Variants in CNGB3 observed in about 807,000 individuals in gnomAD.
CNGB3 encodes cyclic nucleotide gated channel subunit beta 3.
CNGB3 carries 86 observed loss-of-function variants against 92.8 expected under a neutral mutation model. That is an observed-to-expected ratio of 0.93 (90% confidence interval 0.78 to 1.11). CNGB3 has a LOEUF of 1.11. Ranked by LOEUF, CNGB3 falls within the 50% of genes least tolerant of loss-of-function variation. The pLI is 0.00. For missense variants in CNGB3, 1,026 were observed against 956.8 expected (o/e 1.07, Z -0.95); for synonymous variants, 333 against 332.7 (o/e 1.00, Z -0.01).
chr8:86,682,665 C>T (rs547463137), intron 3 of CNGB3, among the ~76,000 whole-genome samples: 135 of 152,090 alleles, frequency 8.9e-4, no homozygotes, highest in Non-Finnish European at 1.3e-3. Context: ...GGGTTCCATT[C>T]AAAACAATTC....
intron 11 of CNGB3, among the ~76,000 whole-genome samples, chr8:86,629,503 T>C (rs150453058): frequency 6.6e-6 from 1 of 152,328 alleles, no homozygotes; most frequent in Non-Finnish European, 1.5e-5. Context: ...GCAATAAAAG[T>C]TGAGCAATTG....
intron 2 of CNGB3, among the ~76,000 whole-genome samples, chr8:86,731,310 T>C (rs143899473): frequency 6.6e-6 from 1 of 152,314 alleles, no homozygotes; most frequent in African/African-American, 2.4e-5. Context: ...GAGCCTGTGC[T>C]GAGGGAGGAC....
At chr8:86,671,342 G>A (rs541171878) in intron 3 of CNGB3, among the ~76,000 whole-genome samples, 1 of 152,308 alleles carries the variant, frequency 6.6e-6, no homozygotes, top group Admixed American at 6.5e-5. Context: ...GGATCTTGAT[G>A]ACAGTGATTC....
At chr8:86,637,692 ATATTT>A (rs777276767) in intron 10 of CNGB3, among the ~76,000 whole-genome samples, 17 of 152,136 alleles carry the variant, frequency 1.1e-4, no homozygotes, top group Non-Finnish European at 1.8e-4. Flanking sequence ...TTTATTCCAA[ATATTT>A]TATTCTTTTT....
intron 4 of CNGB3, among the ~76,000 whole-genome samples, chr8:86,669,957 T>C (rs1823822582): frequency 6.6e-6 from 1 of 152,090 alleles, no homozygotes; most frequent in African/African-American, 2.4e-5. Flanking sequence ...TTCAAGCGAT[T>C]CCCCTGCCTC....
At chr8:86,658,356 C>G (rs1033399776) in intron 6 of CNGB3, 2 of 454,418 alleles carry the variant, frequency 4.4e-6, no homozygotes, top group Admixed American at 5.7e-5. Context: ...ACTGTCCAGT[C>G]CATCTCCTTC....
chr8:86,606,141 G>A (rs1822407417), intron 14 of CNGB3, among the ~76,000 whole-genome samples: 1 of 131,582 alleles, frequency 7.6e-6, no homozygotes, highest in African/African-American at 2.9e-5. Flanking sequence ...AAAATTTTGG[G>A]GTTGGTTTTT....
intron 4 of CNGB3, among the ~76,000 whole-genome samples, chr8:86,669,430 T>C (rs1019251423): frequency 2.6e-5 from 4 of 152,196 alleles, no homozygotes; most frequent in Non-Finnish European, 5.9e-5. Flanking sequence ...ACAAAGGTGT[T>C]ACAAATAGAG....
intron 6 of CNGB3, chr8:86,660,263 T>C: frequency 3.3e-6 from 1 of 301,354 alleles, no homozygotes; most frequent in Non-Finnish European, 6.6e-6. Flanking sequence ...CCACAGCCAA[T>C]TTGCTCTGTA....
At chr8:86,673,515 G>A (rs1230931909) in intron 3 of CNGB3, among the ~76,000 whole-genome samples, 1 of 152,280 alleles carries the variant, frequency 6.6e-6, no homozygotes, top group Non-Finnish European at 1.5e-5. Context: ...ATGGTCCCAT[G>A]TGATCTATTG....
At position 86,730,671 on chromosome 8, in the gene CNGB3, A is replaced by G. The variant is rs137996694; in HGVS notation, c.212-4014T>C. Among the ~76,000 whole-genome samples the G allele has an allele frequency of 7.2e-5, 11 of 152,352 alleles. No homozygotes were observed. In the East Asian group the frequency reaches 1.9e-3, roughly 27 times the overall value. ...AACAGTTTTAAGAAGTATATGATTA[A>G]TGATTATTTTCTGGCACCTGAGGTT... On this transcript the variant is annotated intron_variant, in intron 2 of 17. Transcript: ENST00000320005.
chr8:86,670,965 G>A lies in CNGB3; in HGVS notation c.472C>T (p.Pro158Ser). 1.2e-6 allele frequency: 2 copies of A among 1,612,524 alleles called. No homozygotes were observed. Among genetic ancestry groups the A allele is most frequent in the South Asian group, 2.2e-5 (2 of 91,002 alleles). Residue 158 changes from proline to serine, a missense_variant, in exon 4 of 18, where the codon CCC (proline) becomes TCC (serine). By Grantham distance (74) the Pro-to-Ser change is moderately conservative (BLOSUM62 -1). Transcript: ENST00000320005. The stretch of plus-strand genomic sequence containing the variant: ...TTACCAGTTTGTGGGCTGGCTTCGG[G>A]TGAGGAGAGATCTCCCTCTACCAAC... ...KKLVEGDLSS[P>S]EASPQTAKPT...
intron 14 of CNGB3, 48 bp downstream of exon 14, chr8:86,611,540 C>T (rs776086758): frequency 1.4e-6 from 2 of 1,441,782 alleles, no homozygotes; most frequent in Non-Finnish European, 2.0e-6. Flanking sequence ...GTCCGAAATC[C>T]TCAAATGCAT....
In CNGB3 at chr8:86,616,626, T is replaced by C. The variant is rs1160995208; in HGVS notation, c.1579-4955A>G. ...AAGACAGGATTGCTTTGTAAATGTC[T>C]CTTTTTTCTATAAAGTGAGAGTAAC... On this transcript the variant is annotated intron_variant, in intron 13 of 17. Transcript: ENST00000320005. Among the ~76,000 whole-genome samples, 3 of 152,324 alleles carry C rather than the reference T, an allele frequency of 2.0e-5. No homozygotes were observed. The East Asian group carries it at 5.8e-4, about 29-fold the overall frequency.
chr8:86,676,275 A>G (rs1823966802), intron 3 of CNGB3, among the ~76,000 whole-genome samples: 1 of 152,106 alleles, frequency 6.6e-6, no homozygotes, highest in African/African-American at 2.4e-5. Context: ...ATCTGCGGTG[A>G]GTTTACAGCA....
intron 15 of CNGB3, among the ~76,000 whole-genome samples, chr8:86,580,434 CATCAAA>C (rs1336716355): frequency 1.3e-5 from 2 of 152,196 alleles, no homozygotes. Flanking sequence ...CAACTCTCAA[CATCAAA>C]TGTGAAAGCC....
chr8:86,587,382 T>C (rs1249820017), intron 15 of CNGB3, among the ~76,000 whole-genome samples: 3 of 152,138 alleles, frequency 2.0e-5, no homozygotes, highest in African/African-American at 7.2e-5. Flanking sequence ...TTGCCATTGC[T>C]TTTGGTGTTT....
chr8:86,628,349 G>A (rs1822890148), intron 12 of CNGB3, among the ~76,000 whole-genome samples: 1 of 152,158 alleles, frequency 6.6e-6, no homozygotes, highest in African/African-American at 2.4e-5. Context: ...CCAAAATGCT[G>A]AGATTACAGG....
rs1358051795 is a variant in CNGB3, at chr8:86,603,574, A to G, written c.1781+519T>C. 4.6e-5 allele frequency among the ~76,000 whole-genome samples: 7 copies of G among 152,302 alleles called. No individual in the cohort carries two copies. In the Middle Eastern group the frequency reaches 0.01, roughly 222 times the overall value. On this transcript the variant is annotated intron_variant, in intron 15 of 17. Transcript: ENST00000320005. ...GTGCTTTTAGTGAATTAACTCATTT[A>G]CCAACACTTTAAGATATGTTCTATT...
Sources: allele counts gnomAD v4.1 joint callset (sites outside exome capture counted in the v4.1 genomes callset), GRCh38; gene constraint gnomAD v4.1.1; transcripts MANE v1.5; gene names NCBI Gene and HGNC (gene_info 2026-07-23, HGNC 2026-07-21).